SFT2D1: variants seen among roughly 807,000 people sequenced by gnomAD.
SFT2D1 encodes vesicle transport protein SFT2A.
SFT2D1 carries 24 observed loss-of-function variants against 28.1 expected under a neutral mutation model. The ratio of observed to expected loss-of-function variants is 0.85; its 90% confidence interval spans 0.62 to 1.20. SFT2D1 has a LOEUF of 1.20. SFT2D1 is among the 50% of genes most tolerant of loss of function. The pLI, the probability that SFT2D1 is intolerant of heterozygous loss-of-function variation, is 0.00. For missense variants in SFT2D1, 181 were observed against 190.9 expected (o/e 0.95, Z 0.31); for synonymous variants, 82 against 73.7 (o/e 1.11, Z -0.58).
At chr6:166,337,275 G>A (rs755463253) in intron 1 of SFT2D1, among the ~76,000 whole-genome samples, 2 of 152,216 alleles carry the variant, frequency 1.3e-5, no homozygotes, top group Admixed American at 6.5e-5. Flanking sequence ...TGGCACAGTG[G>A]TTGGGAAGCT....
chr6:166,334,960 A>G (rs1350184928), intron 1 of SFT2D1: 2 of 469,742 alleles, frequency 4.3e-6, no homozygotes, highest in South Asian at 3.5e-5. Flanking sequence ...AACAGTATGG[A>G]AAAACTGAAG....
chr6:166,330,437 T>G (rs2114901841), intron 1 of SFT2D1, among the ~76,000 whole-genome samples, 190 bp from the exon 2 acceptor site: 1 of 152,312 alleles, frequency 6.6e-6, no homozygotes, highest in East Asian at 1.9e-4. Flanking sequence ...TAGCAGATGA[T>G]GCTGAGGAAT....
chr6:166,328,391 G>T (rs1392256011), intron 3 of SFT2D1, 34 bp from the exon 4 acceptor site: 2 of 1,247,764 alleles, frequency 1.6e-6, no homozygotes, highest in Non-Finnish European at 2.2e-6. Context: ...TGAGGTACAG[G>T]TCTACTAATT....
intron 4 of SFT2D1, among the ~76,000 whole-genome samples, chr6:166,326,500 A>T (rs1778447732): frequency 6.6e-6 from 1 of 152,242 alleles, no homozygotes; most frequent in South Asian, 2.1e-4. Context: ...AAGAGATCCC[A>T]GCTCTGACGC....
At chr6:166,326,266 C>T in intron 4 of SFT2D1, 99 bp from the exon 5 acceptor site, 1 of 959,128 alleles carries the variant, frequency 1.0e-6, no homozygotes, top group Non-Finnish European at 1.6e-6. Context: ...AGGGAATATA[C>T]TATAGAACAA....
rs1015102161 is a variant in SFT2D1, at chr6:166,320,275, A to T, written c.441-19T>A. 7.5e-6 allele frequency: 12 copies of T among 1,603,246 alleles called. No homozygotes were observed. Among genetic ancestry groups the T allele is most frequent in the Non-Finnish European group, 8.5e-6 (10 of 1,173,782 alleles). ...TGCATCCCTGGTGGAAAAGAGAGGG[A>T]AAAAAACAGAATATAATATTCCTCA... On this transcript the variant is annotated intron_variant, in intron 7 of 7. Coordinates refer to ENST00000361731, the MANE Select transcript of SFT2D1 (RefSeq NM_145169.3).
At chr6:166,334,288 T>C (rs1051497994) in intron 1 of SFT2D1, among the ~76,000 whole-genome samples, 37 of 152,350 alleles carry the variant, frequency 2.4e-4, no homozygotes, top group African/African-American at 3.8e-4. Context: ...ATCTATGTGC[T>C]GGCTGCTACA....
At chr6:166,337,984 A>G (rs1562447517) in intron 1 of SFT2D1, among the ~76,000 whole-genome samples, 4 of 152,214 alleles carry the variant, frequency 2.6e-5, no homozygotes, top group African/African-American at 9.6e-5. Flanking sequence ...ATGTCAAGAT[A>G]TAACCAGAGG....
chr6:166,324,753 C>G, intron 5 of SFT2D1, 158 bp from the exon 6 acceptor site: 1 of 650,716 alleles, frequency 1.5e-6, no homozygotes, highest in Non-Finnish European at 2.6e-6. Context: ...TGATCTGAAA[C>G]TTTAAAACCC....
rs1778809131 is a variant in SFT2D1, at chr6:166,342,508, G to C, written c.-27C>G. ...GCCCTGTTACAGGGCCGTAGCGGCCGCCACTCTGTTGCCTGCCCCTGACGC... is the reference window on the plus strand; with the variant it reads ...GCCCTGTTACAGGGCCGTAGCGGCCCCCACTCTGTTGCCTGCCCCTGACGC... On this transcript the variant is annotated 5_prime_UTR_variant, in exon 1 of 8. Coordinates refer to ENST00000361731, the MANE Select transcript of SFT2D1 (RefSeq NM_145169.3). The C allele has an allele frequency of 3.2e-6, 5 of 1,538,734 alleles. No individual in the cohort carries two copies. Among genetic ancestry groups the C allele is most frequent in the African/African-American group, 2.7e-5 (2 of 72,924 alleles).
intron 1 of SFT2D1, among the ~76,000 whole-genome samples, chr6:166,341,492 G>A (rs1290208741): frequency 1.3e-5 from 2 of 151,536 alleles, no homozygotes; most frequent in Non-Finnish European, 2.9e-5. Flanking sequence ...TGTGGCTGTG[G>A]TAATATACAG....
chr6:166,336,322 T>A (rs144641295), intron 1 of SFT2D1, among the ~76,000 whole-genome samples: 42 of 152,334 alleles, frequency 2.8e-4, no homozygotes, highest in African/African-American at 9.6e-4. Flanking sequence ...CCAAGCAAAG[T>A]CACAGAATTA....
At chr6:166,340,824 TGC>T (rs1258253138) in intron 1 of SFT2D1, among the ~76,000 whole-genome samples, 1 of 152,250 alleles carries the variant, frequency 6.6e-6, no homozygotes, top group African/African-American at 2.4e-5. Context: ...GTCAAACATA[TGC>T]AGGAACTTGA....
intron 1 of SFT2D1, among the ~76,000 whole-genome samples, chr6:166,340,192 C>T (rs1778750687): frequency 6.6e-6 from 1 of 152,186 alleles, no homozygotes; most frequent in African/African-American, 2.4e-5. Context: ...TAAACCACTT[C>T]TATCACTGAT....
At chr6:166,338,138 G>A (rs1449493096) in intron 1 of SFT2D1, among the ~76,000 whole-genome samples, 1 of 152,176 alleles carries the variant, frequency 6.6e-6, no homozygotes, top group Admixed American at 6.5e-5. Flanking sequence ...ATTACAGCAG[G>A]CTGAATGGAC....
chr6:166,342,055 T>C (rs1413183575), intron 1 of SFT2D1, among the ~76,000 whole-genome samples: 1 of 152,182 alleles, frequency 6.6e-6, no homozygotes, highest in African/African-American at 2.4e-5. Context: ...ATAAATGCCC[T>C]GCATAGCTAC....
At position 166,330,151 on chromosome 6, in the gene SFT2D1, C is replaced by T. The variant is rs1307195573; in HGVS notation, c.150+10G>A. ...TAAAAATTATTAAACAATATAAAGC[C>T]TTAACTCACAAGAATAGAAAAGAAA... On this transcript the variant is annotated intron_variant, in intron 2 of 7. Coordinates refer to ENST00000361731, the MANE Select transcript of SFT2D1 (RefSeq NM_145169.3). The T allele has an allele frequency of 2.6e-6, 4 of 1,568,014 alleles. No homozygotes were observed. Among genetic ancestry groups the T allele is most frequent in the Non-Finnish European group, 3.4e-6 (4 of 1,161,504 alleles).
intron 4 of SFT2D1, among the ~76,000 whole-genome samples, chr6:166,327,762 A>G (rs542160928): frequency 3.9e-5 from 6 of 152,310 alleles, no homozygotes; most frequent in Admixed American, 6.5e-5. Flanking sequence ...AGTCTTAGAC[A>G]ATACTGTACC....
At chr6:166,339,379 C>G (rs1488314202) in intron 1 of SFT2D1, among the ~76,000 whole-genome samples, 1 of 152,168 alleles carries the variant, frequency 6.6e-6, no homozygotes, top group Non-Finnish European at 1.5e-5. Flanking sequence ...TTCCCTCTTG[C>G]CTGCACCATA....
Sources: gnomAD v4.1 joint callset for allele counts (sites outside exome capture counted in the v4.1 genomes callset) on GRCh38, gnomAD v4.1.1 for gene constraint, MANE v1.5 for transcripts, NCBI Gene and HGNC (gene_info 2026-07-23, HGNC 2026-07-21) for gene names.